Variants in NTNG2 observed in about 807,000 individuals in gnomAD.
NTNG2 encodes netrin-G2.
In NTNG2, 15 loss-of-function variants were observed where a neutral mutation model predicts 47.6. The ratio of observed to expected loss-of-function variants is 0.32; its 90% CI spans 0.21 to 0.49. NTNG2 has a LOEUF of 0.49. Ranked by LOEUF, NTNG2 falls within the 20% of genes least tolerant of loss-of-function variation. The pLI is 0.99. For missense variants in NTNG2, 578 were observed against 764.6 expected (o/e 0.76, Z 2.88); for synonymous variants, 307 against 324.6 (o/e 0.95, Z 0.58).
Position 132,208,310 on chromosome 9 carries a change from A to G in NTNG2, c.857+9701A>G, listed in dbSNP as rs1388183678. On this transcript the variant is annotated intron_variant, in intron 3 of 7. Transcript: ENST00000393229. The surrounding 1 kb of genome is among the most constrained non-coding windows in gnomAD (Gnocchi z 4.0). Reference sequence around the variant, plus strand: ...GTGATGTGGCTGTGGTGGGTGAGTAAGATTCCAAAGAAGAGCAGGCAGGGC... The same window carrying G: ...GTGATGTGGCTGTGGTGGGTGAGTAGGATTCCAAAGAAGAGCAGGCAGGGC... 6.6e-6 allele frequency among the ~76,000 whole-genome samples: 1 copy of G among 152,118 alleles called. No individual in the cohort carries two copies. Among genetic ancestry groups the G allele is most frequent in the Non-Finnish European group, 1.5e-5 (1 of 68,006 alleles).
At position 132,239,190 on chromosome 9, in the gene NTNG2, C is replaced by T; in HGVS notation, c.1141C>T (p.Arg381Ter). 1 of 1,613,860 alleles carries T rather than the reference C, an allele frequency of 6.2e-7. No homozygotes were observed. The highest frequency in any genetic ancestry group is 8.5e-7 in the Non-Finnish European group (1 of 1,180,008). The change falls in exon 6 of 8, where the codon CGA (arginine) becomes TGA (stop). Residue 381 changes from arginine to a stop codon, truncating the protein, a stop_gained. Coordinates refer to ENST00000393229, the MANE Select transcript of NTNG2 (RefSeq NM_032536.4). LOFTEE classifies it high-confidence loss of function. ...CTGCGTCAGCTGCAAGCACAACACG[C>T]GAGGTCAGCACTGCCAGCACTGCCG... is the stretch of plus-strand genomic sequence containing the variant. ...VTCVSCKHNT[R>*]GQHCQHCRLG...
chr9:132,220,603 A>C (rs1045318407), intron 3 of NTNG2, among the ~76,000 whole-genome samples: 3 of 151,596 alleles, frequency 2.0e-5, no homozygotes, highest in African/African-American at 7.3e-5. Flanking sequence ...ACAGGCACCC[A>C]CCACCACACC....
intron 3 of NTNG2, among the ~76,000 whole-genome samples, chr9:132,219,176 C>T (rs1840185558): frequency 6.7e-6 from 1 of 149,256 alleles, no homozygotes; most frequent in Admixed American, 6.7e-5. Flanking sequence ...GTGATCGTGA[C>T]ACTACACTCA....
rs35406789 is a variant in NTNG2, at chr9:132,172,722, A to ATTTTTTT, written c.213+5696_213+5702dup. 2.2e-3 allele frequency among the ~76,000 whole-genome samples: 181 copies of ATTTTTTT among 83,470 alleles called. 8 individuals carry two copies. The highest frequency in any genetic ancestry group is 8.5e-3 in the African/African-American group (172 of 20,228). 54.8% of individuals were successfully genotyped at this position (83,470 alleles called of 152,430 possible). ...TCAGAGGAGGCAGGATCAGGGCTGT[A>ATTTTTTT]TTTTTTTTTTTTTTTTTTTTTTTTG... is the stretch of plus-strand genomic sequence containing the variant. On this transcript the variant is annotated intron_variant, in intron 2 of 7. Transcript: ENST00000393229.
In NTNG2 at chr9:132,182,168, G is replaced by A. The variant is rs1001223766; in HGVS notation, c.213+15124G>A. Among the ~76,000 whole-genome samples the A allele has an allele frequency of 2.0e-5, 3 of 152,270 alleles. No homozygotes were observed. The highest frequency in any genetic ancestry group is 2.4e-5 in the African/African-American group (1 of 41,468). ...ACTTATTTCATGTCTATTTGGCAGC[G>A]AGCGTGCTCCCACGCACCAGCTCTG... On this transcript the variant is annotated intron_variant, in intron 2 of 7. Coordinates refer to ENST00000393229, the MANE Select transcript of NTNG2 (RefSeq NM_032536.4). The surrounding 1 kb of genome is among the most constrained non-coding windows in gnomAD (Gnocchi z 4.2).
rs186203189 is a variant in NTNG2, at chr9:132,198,985, A to G, written c.857+376A>G. Among the ~76,000 whole-genome samples the G allele has an allele frequency of 5.4e-4, 82 of 152,176 alleles. 1 individual carries two copies. Among genetic ancestry groups the G allele is most frequent in the Non-Finnish European group, 1.5e-4 (10 of 67,962 alleles). ...GACACTATCTACTTCTTGAGATGTTACTTGGTTTCCAGGAGGTTACCTAGC... is the reference window on the plus strand; with the variant it reads ...GACACTATCTACTTCTTGAGATGTTGCTTGGTTTCCAGGAGGTTACCTAGC... On this transcript the variant is annotated intron_variant, in intron 3 of 7. Coordinates refer to ENST00000393229, the MANE Select transcript of NTNG2 (RefSeq NM_032536.4).
At chr9:132,188,870 A>C (rs1026159198) in intron 2 of NTNG2, among the ~76,000 whole-genome samples, 5 of 152,078 alleles carry the variant, frequency 3.3e-5, no homozygotes, top group Non-Finnish European at 2.9e-5. Context: ...TGGAGTGGGG[A>C]CAGGATCAGA....
At chr9:132,195,041 G>C (rs1838173802) in intron 2 of NTNG2, among the ~76,000 whole-genome samples, 1 of 152,238 alleles carries the variant, frequency 6.6e-6, no homozygotes, top group African/African-American at 2.4e-5. Context: ...ATCAGAAAGG[G>C]CCACAAGTGG....
At position 132,242,194 on chromosome 9, in the gene NTNG2, G is replaced by T. The variant is rs1455184280; in HGVS notation, c.*83G>T. Reference sequence around the variant, plus strand: ...CGGGGCCGGCGTCCGAGGCCGGGCGGTGAGAAGGGTGCGGCCCGAGGTGCT... The same window carrying T: ...CGGGGCCGGCGTCCGAGGCCGGGCGTTGAGAAGGGTGCGGCCCGAGGTGCT... On this transcript the variant is annotated 3_prime_UTR_variant, in exon 8 of 8. Coordinates refer to ENST00000393229, the MANE Select transcript of NTNG2 (RefSeq NM_032536.4). This position sits in a 1 kb window ranked among gnomAD's most constrained non-coding sequence, Gnocchi z 5.9. 1 of 607,056 alleles carries T rather than the reference G, an allele frequency of 1.6e-6. No individual in the cohort carries two copies. Among genetic ancestry groups the T allele is most frequent in the Non-Finnish European group, 2.1e-6 (1 of 472,498 alleles). The allele number at this position is 607,056 out of a possible 1,614,324, so 37.6% of individuals were successfully genotyped here. A position where few individuals can be genotyped will look rare whatever the true frequency, so the allele number is the denominator to read the frequency against.
intron 3 of NTNG2, among the ~76,000 whole-genome samples, chr9:132,203,010 C>T (rs1428397285): frequency 6.6e-6 from 1 of 152,042 alleles, no homozygotes; most frequent in Admixed American, 6.6e-5. Flanking sequence ...ATCCCAGTGT[C>T]TCATTCCTCT....
intron 3 of NTNG2, among the ~76,000 whole-genome samples, chr9:132,205,036 G>A (rs993604133): frequency 7.2e-5 from 11 of 152,138 alleles, no homozygotes; most frequent in Non-Finnish European, 1.5e-4. Context: ...GAACAAAAAC[G>A]GTGCAGCCAC....
rs368954156 is a variant in NTNG2, at chr9:132,231,671, C to G, written c.1054+1076C>G. On this transcript the variant is annotated intron_variant, in intron 5 of 7. Transcript: ENST00000393229. This position sits in a 1 kb window ranked among gnomAD's most constrained non-coding sequence, Gnocchi z 4.1. ...TCAGCAGGTCCCAGAAAGACCCCGA[C>G]CCCAAAGGCCCTGTGGCCACTGCGG... The G allele has an allele frequency of 7.2e-4, 189 of 263,198 alleles. No homozygotes were observed. Among genetic ancestry groups the G allele is most frequent in the African/African-American group, 3.4e-3 (146 of 42,856 alleles). The allele number at this position is 263,198 out of a possible 1,614,324, so 16.3% of individuals were successfully genotyped here.
intron 3 of NTNG2, 49 bp downstream of exon 3, chr9:132,198,658 C>A: frequency 6.4e-7 from 1 of 1,562,374 alleles, no homozygotes. Context: ...GGGATGCTAT[C>A]TGTTACCTGG....
At chr9:132,187,391 G>A (rs1277085667) in intron 2 of NTNG2, among the ~76,000 whole-genome samples, 1 of 152,238 alleles carries the variant, frequency 6.6e-6, no homozygotes, top group Non-Finnish European at 1.5e-5. Flanking sequence ...CACGAGCGGG[G>A]AGGGTGACCT....
At chr9:132,219,574 A>G (rs78324386) in intron 3 of NTNG2, among the ~76,000 whole-genome samples, 1 of 92,540 alleles carries the variant, frequency 1.1e-5, no homozygotes, top group Non-Finnish European at 2.1e-5. Flanking sequence ...CTCTGTCTCA[A>G]AAAAAAAAAA....
chr9:132,191,513 T>C (rs969766392), intron 2 of NTNG2, among the ~76,000 whole-genome samples: 1 of 151,728 alleles, frequency 6.6e-6, no homozygotes, highest in Non-Finnish European at 1.5e-5. Context: ...CTCAGGGCTT[T>C]CAGACGCCAG....
intron 2 of NTNG2, among the ~76,000 whole-genome samples, chr9:132,186,080 C>G (rs1837360297): frequency 6.6e-6 from 1 of 152,146 alleles, no homozygotes; most frequent in African/African-American, 2.4e-5. Context: ...AACCTGGGAC[C>G]AAGAAAAAAT....
intron 5 of NTNG2, chr9:132,233,142 A>T (rs1026014363): frequency 2.0e-5 from 3 of 152,274 alleles, no homozygotes; most frequent in African/African-American, 7.2e-5. Context: ...TGGCCCAGCC[A>T]CAAGGGACCT....
At chr9:132,183,187 T>C (rs1210647800) in intron 2 of NTNG2, among the ~76,000 whole-genome samples, 1 of 152,112 alleles carries the variant, frequency 6.6e-6, no homozygotes, top group East Asian at 1.9e-4. Flanking sequence ...GTGCCAGCTC[T>C]CCAGGCTTGG....
Sources: gnomAD v4.1 joint callset for allele counts (sites outside exome capture counted in the v4.1 genomes callset) on GRCh38, gnomAD v4.1.1 for gene constraint, Gnocchi (gnomAD v3.1) non-coding constraint, MANE v1.5 for transcripts, NCBI Gene and HGNC (gene_info 2026-07-23, HGNC 2026-07-21) for gene names.